Variants in PTCHD4 observed in about 807,000 individuals in gnomAD.
The protein encoded by PTCHD4 is patched domain-containing protein 4.
A neutral mutation model predicts 58.1 loss-of-function variants in PTCHD4; 33 were observed. The ratio of observed to expected loss-of-function variants is 0.57; its 90% CI spans 0.43 to 0.76. The LOEUF is 0.76. Among genes scored for constraint, PTCHD4 ranks in the 30% least tolerant of loss-of-function variants. The pLI, the probability that PTCHD4 is intolerant of heterozygous loss-of-function variation, is 0.00. For missense variants in PTCHD4, 1,058 were observed against 1,027.1 expected, an observed-to-expected ratio of 1.03 and a Z score of -0.41; for synonymous variants, 478 against 409.6, an observed-to-expected ratio of 1.17 and a Z score of -2.02.
At chr6:47,996,082 T>C (rs1178433705) in intron 4 of PTCHD4, among the ~76,000 whole-genome samples, 1 of 152,226 alleles carries the variant, frequency 6.6e-6, no homozygotes, top group Admixed American at 6.6e-5. Flanking sequence ...AACTTTTATA[T>C]ATTTTTTTCG....
intron 1 of PTCHD4, among the ~76,000 whole-genome samples, chr6:48,088,814 C>A (rs536078520): frequency 6.6e-6 from 1 of 152,100 alleles, no homozygotes; most frequent in African/African-American, 2.4e-5. Flanking sequence ...GAGGCCGAGG[C>A]GGGTGGATTA....
rs1166048821 is a variant in PTCHD4, at chr6:47,867,215, C to T, written c.*11088G>A. ...CTGGAGAGTTTGGGTTCCCAGCAATCCATGTCAGTCTCTTACTCTCACACT... is the reference window on the plus strand; with the variant it reads ...CTGGAGAGTTTGGGTTCCCAGCAATTCATGTCAGTCTCTTACTCTCACACT... On this transcript the variant is annotated 3_prime_UTR_variant, in exon 5 of 5. Transcript: ENST00000339488. Among the ~76,000 whole-genome samples, 1 of 151,724 alleles carries T rather than the reference C, an allele frequency of 6.6e-6. No individual in the cohort carries two copies. Among genetic ancestry groups the T allele is most frequent in the Non-Finnish European group, 1.5e-5 (1 of 67,810 alleles).
At chr6:47,963,993 T>C (rs1192690042) in intron 4 of PTCHD4, among the ~76,000 whole-genome samples, 1 of 152,218 alleles carries the variant, frequency 6.6e-6, no homozygotes, top group Non-Finnish European at 1.5e-5. Flanking sequence ...GAAACTACTT[T>C]ATGCCAACGT....
intron 1 of PTCHD4, among the ~76,000 whole-genome samples, chr6:48,086,554 A>C (rs1002819520): frequency 3.3e-5 from 5 of 152,194 alleles, no homozygotes; most frequent in African/African-American, 4.8e-5. Flanking sequence ...GCAGGGCAGA[A>C]CAGGGATTGT....
Position 47,970,062 on chromosome 6 carries a change from G to A in PTCHD4, c.898+38572C>T, listed in dbSNP as rs114241326. ...ATGGATGTAGCTGGGATAAGAGAGA[G>A]TTGTTCCCATAAAAGAGACACCTAT... On this transcript the variant is annotated intron_variant, in intron 4 of 4. Transcript: ENST00000339488. Among the ~76,000 whole-genome samples the A allele has an allele frequency of 1.6e-3, 240 of 152,244 alleles. 1 individual carries two copies. The highest frequency in any genetic ancestry group is 5.5e-3 in the African/African-American group (230 of 41,548).
chr6:47,862,206 G>A lies in PTCHD4; in HGVS notation c.*16097C>T, dbSNP rs1301796085. Among the ~76,000 whole-genome samples the A allele has an allele frequency of 1.3e-5, 2 of 150,002 alleles. No individual in the cohort carries two copies. The highest frequency in any genetic ancestry group is 2.4e-5 in the African/African-American group (1 of 40,954). On this transcript the variant is annotated 3_prime_UTR_variant, in exon 5 of 5. Coordinates refer to ENST00000339488, the MANE Select transcript of PTCHD4 (RefSeq NM_001384253.1). ...CCTGATGGATTTTTAATGAATTATC[G>A]GTTTTGCCAATCATTACTTTTGTTG...
intron 3 of PTCHD4, among the ~76,000 whole-genome samples, chr6:48,013,788 C>T (rs1485310790): frequency 6.6e-6 from 1 of 152,088 alleles, no homozygotes; most frequent in Non-Finnish European, 1.5e-5. Context: ...AAATGTGCAG[C>T]TATCTGTCTT....
At chr6:47,936,741 C>T (rs1766012544) in intron 4 of PTCHD4, among the ~76,000 whole-genome samples, 2 of 152,090 alleles carry the variant, frequency 1.3e-5, no homozygotes, top group Non-Finnish European at 2.9e-5. Flanking sequence ...GATCCCTGCC[C>T]TTTTACAGTT....
intron 4 of PTCHD4, among the ~76,000 whole-genome samples, chr6:48,007,147 A>G (rs1460414120): frequency 6.6e-6 from 1 of 152,118 alleles, no homozygotes; most frequent in Admixed American, 6.5e-5. Flanking sequence ...GGCTGAGGCA[A>G]GAGGATCATT....
intron 3 of PTCHD4, among the ~76,000 whole-genome samples, chr6:48,060,356 C>T (rs1764577580): frequency 6.6e-6 from 1 of 152,186 alleles, no homozygotes; most frequent in African/African-American, 2.4e-5. Context: ...CCTTAACATC[C>T]AAACAAACTT....
intron 3 of PTCHD4, among the ~76,000 whole-genome samples, chr6:48,045,654 C>T (rs886857434): frequency 6.6e-6 from 1 of 151,792 alleles, no homozygotes; most frequent in Admixed American, 6.6e-5. Flanking sequence ...CTGTAATTAT[C>T]CCCATTTTAA....
chr6:48,005,162 T>C (rs577598265), intron 4 of PTCHD4, among the ~76,000 whole-genome samples: 80 of 151,962 alleles, frequency 5.3e-4, no homozygotes, highest in Non-Finnish European at 8.8e-4. Flanking sequence ...AGTGGATGAA[T>C]GACAAGACAA....
At position 47,860,357 on chromosome 6, in the gene PTCHD4, A is replaced by C. The variant is rs1490140165; in HGVS notation, c.*17946T>G. ...ACTGTCAATTAAGAAAAGACAAAGA[A>C]ATATATGACTCTAAAAACAAATTCA... On this transcript the variant is annotated 3_prime_UTR_variant, in exon 5 of 5. Transcript: ENST00000339488. Among the ~76,000 whole-genome samples, 1 of 152,092 alleles carries C rather than the reference A, an allele frequency of 6.6e-6. No individual in the cohort carries two copies. The highest frequency in any genetic ancestry group is 1.5e-5 in the Non-Finnish European group (1 of 67,978).
rs1025223288 is a variant in PTCHD4, at chr6:48,102,649, G to A, written c.-970+8400C>T. Among the ~76,000 whole-genome samples, 20 of 152,214 alleles carry A rather than the reference G, an allele frequency of 1.3e-4. 1 individual carries two copies. The highest frequency in any genetic ancestry group is 9.8e-4 in the Admixed American group (15 of 15,286). ...GGGTGCAGTGCACCATGCGTGAGCC[G>A]AAGCAGGGCGAGGCATCGCCTCACC... On this transcript the variant is annotated intron_variant, in intron 1 of 4. Transcript: ENST00000339488.
At chr6:48,037,315 G>T (rs1329189170) in intron 3 of PTCHD4, among the ~76,000 whole-genome samples, 1 of 152,146 alleles carries the variant, frequency 6.6e-6, no homozygotes, top group Non-Finnish European at 1.5e-5. Flanking sequence ...GTATGTATGT[G>T]TAGGAAAAAA....
chr6:48,040,411 C>T (rs1763802350), intron 3 of PTCHD4, among the ~76,000 whole-genome samples: 1 of 151,924 alleles, frequency 6.6e-6, no homozygotes, highest in African/African-American at 2.4e-5. Flanking sequence ...CAATTTCCTC[C>T]CTCCCTCAGT....
At chr6:48,011,100 G>A (rs1762653568) in intron 3 of PTCHD4, among the ~76,000 whole-genome samples, 1 of 152,190 alleles carries the variant, frequency 6.6e-6, no homozygotes, top group Non-Finnish European at 1.5e-5. Context: ...GCCCAGCAAT[G>A]GGATTGCTTG....
intron 4 of PTCHD4, among the ~76,000 whole-genome samples, chr6:48,004,306 T>C (rs550962087): frequency 1.0e-3 from 159 of 152,320 alleles, no homozygotes; most frequent in Non-Finnish European, 1.9e-3. Context: ...GGTGTCAAGC[T>C]GACTGAAGTG....
intron 4 of PTCHD4, among the ~76,000 whole-genome samples, chr6:47,951,945 C>A (rs910033954): frequency 1.3e-5 from 2 of 151,914 alleles, no homozygotes; most frequent in Non-Finnish European, 2.9e-5. Context: ...GTAGAAAATA[C>A]ACTGCACATC....
Sources: allele counts gnomAD v4.1 joint callset (sites outside exome capture counted in the v4.1 genomes callset), GRCh38; gene constraint gnomAD v4.1.1; transcripts MANE v1.5; gene names NCBI Gene and HGNC (gene_info 2026-07-23, HGNC 2026-07-21).